The following CCNF variants were observed in gnomAD, a reference collection of about 807,000 sequenced individuals.
CCNF encodes the protein cyclin-F.
In CCNF, 30 loss-of-function variants were observed where a neutral mutation model predicts 85.4. That is an observed-to-expected ratio of 0.35 (90% CI 0.26 to 0.48). The LOEUF (loss-of-function observed/expected upper bound fraction) is 0.48. Ranked by LOEUF, CCNF falls within the 20% of genes least tolerant of loss-of-function variation. The pLI, the probability that CCNF is intolerant of heterozygous loss-of-function variation, is 0.99. For missense variants in CCNF, 919 were observed against 1,010.4 expected, an observed-to-expected ratio of 0.91 and a Z score of 1.23; for synonymous variants, 439 against 425.1, an observed-to-expected ratio of 1.03 and a Z score of -0.40.
At chr16:2,436,600 G>A (rs1053379915) in intron 4 of CCNF, 1 of 152,202 alleles carries the variant, frequency 6.6e-6, no homozygotes, top group Non-Finnish European at 1.5e-5. Context: ...AGAATCAGGG[G>A]AGCCGAGGTC....
At position 2,445,479 on chromosome 16, in the gene CCNF, G is replaced by A. The variant is rs180707939; in HGVS notation, c.951G>A (p.Leu317=). The A allele has an allele frequency of 8.7e-6, 14 of 1,613,960 alleles. No individual in the cohort carries two copies. In the African/African-American group the frequency reaches 1.1e-4, roughly 12 times the overall value. Residue 317 remains leucine (L), a synonymous_variant, in exon 10 of 17, where the codon CTG becomes CTA. Transcript: ENST00000397066. The part of the protein sequence containing the change: ...DTMRYILIDW[L]VEVATMKDFT... ...GCAGGTACATTCTGATCGACTGGCT[G>A]GTGGAAGTTGCCACCATGAAGGACT...
Position 2,435,833 on chromosome 16 carries a change from T to A in CCNF, c.306T>A (p.Ala102=), listed in dbSNP as rs775376235. 3 of 1,613,946 alleles carry A rather than the reference T, an allele frequency of 1.9e-6. No individual in the cohort carries two copies. The highest frequency in any genetic ancestry group is 2.5e-6 in the Non-Finnish European group (3 of 1,179,918). The change falls in exon 4 of 17, where the codon GCT becomes GCA. Residue 102 remains alanine (A), a synonymous_variant. Transcript: ENST00000397066. ...CTGCTGAAAAGGGGAATTTCGAAGC[T>A]GCTGTGAAGCTGGGCATAGCCTACC... The part of the protein sequence containing the change: ...ERAAEKGNFE[A]AVKLGIAYLY...
In CCNF at chr16:2,439,467, G is replaced by A; in HGVS notation, c.699+10G>A. 1.3e-6 allele frequency: 2 copies of A among 1,584,162 alleles called. No individual in the cohort carries two copies. The highest frequency in any genetic ancestry group is 1.7e-6 in the Non-Finnish European group (2 of 1,156,564). On this transcript the variant is annotated intron_variant, in intron 7 of 16. Transcript: ENST00000397066. ...CGACAGGAGGACAGATGTGAGTGGT[G>A]CCTGCTCTGGGTCGGGGGGAGTTAT...
At chr16:2,429,985 C>T (rs965518008) in intron 1 of CCNF, among the ~76,000 whole-genome samples, 2 of 152,228 alleles carry the variant, frequency 1.3e-5, no homozygotes, top group Non-Finnish European at 2.9e-5. Flanking sequence ...ACAGGAAACA[C>T]GAACTGTGGT....
chr16:2,441,257 G>A (rs1479763984), intron 8 of CCNF, among the ~76,000 whole-genome samples: 4 of 151,732 alleles, frequency 2.6e-5, no homozygotes, highest in Non-Finnish European at 5.9e-5. Flanking sequence ...TTAGCTGGAT[G>A]TGGTGGCGTG....
At chr16:2,432,611 A>G (rs563897079) in intron 2 of CCNF, among the ~76,000 whole-genome samples, 14 of 152,276 alleles carry the variant, frequency 9.2e-5, no homozygotes, top group African/African-American at 3.4e-4. Flanking sequence ...GCGGGGAAGC[A>G]CAAAACACAT....
At chr16:2,438,006 G>C in intron 5 of CCNF, 64 bp from the exon 6 acceptor site, 1 of 1,112,008 alleles carries the variant, frequency 9.0e-7, no homozygotes, top group Non-Finnish European at 1.4e-6. Context: ...GACAGACAAG[G>C]GAGTGGTGGC....
intron 11 of CCNF, 102 bp downstream of exon 11, chr16:2,449,080 C>CA (rs1567389059): frequency 6.5e-7 from 1 of 1,528,180 alleles, no homozygotes; most frequent in Non-Finnish European, 9.0e-7. Flanking sequence ...CTCATGGACT[C>CA]AGAGAGCAGC....
At chr16:2,439,607 A>G (rs1413460383) in intron 7 of CCNF, 142 bp from the exon 8 acceptor site, 1 of 913,998 alleles carries the variant, frequency 1.1e-6, no homozygotes, top group Non-Finnish European at 1.7e-6. Flanking sequence ...TCAGTCGGCT[A>G]TTCTTGGTAC....
At chr16:2,437,990 C>A in intron 5 of CCNF, 80 bp from the exon 6 acceptor site, 1 of 947,536 alleles carries the variant, frequency 1.1e-6, no homozygotes, top group Non-Finnish European at 1.7e-6. Flanking sequence ...GGGCATGGGA[C>A]CCAAAGACAG....
At chr16:2,431,319 C>T in intron 2 of CCNF, 35 bp downstream of exon 2, 1 of 1,603,624 alleles carries the variant, frequency 6.2e-7, no homozygotes, top group African/African-American at 1.3e-5. Flanking sequence ...TGAGCCCTAG[C>T]ATTGTTGATT....
In CCNF at chr16:2,457,428, C is replaced by G. The variant is rs907958289; in HGVS notation, c.*408C>G. On this transcript the variant is annotated 3_prime_UTR_variant, in exon 17 of 17. Transcript: ENST00000397066. ...CCTGGGTAGTCAGACACCACTTGAGCCCCTGCCCACATCTGCTGGTTTGGG... is the reference window on the plus strand; with the variant it reads ...CCTGGGTAGTCAGACACCACTTGAGGCCCTGCCCACATCTGCTGGTTTGGG... 2 of 162,554 alleles carry G rather than the reference C, an allele frequency of 1.2e-5. No individual in the cohort carries two copies. The highest frequency in any genetic ancestry group is 4.8e-5 in the African/African-American group (2 of 41,656). The allele number at this position is 162,554 out of a possible 1,614,324, so 10.1% of individuals were successfully genotyped here. A position where few individuals can be genotyped will look rare whatever the true frequency, so the allele number is the denominator to read the frequency against.
intron 8 of CCNF, among the ~76,000 whole-genome samples, chr16:2,440,654 A>G (rs2065316276): frequency 1.3e-5 from 2 of 152,144 alleles, no homozygotes; most frequent in South Asian, 4.1e-4. Context: ...AAATGGATAG[A>G]AGCTTGTTCT....
At chr16:2,432,079 C>T (rs1464096002) in intron 2 of CCNF, among the ~76,000 whole-genome samples, 1 of 152,150 alleles carries the variant, frequency 6.6e-6, no homozygotes, top group East Asian at 1.9e-4. Context: ...ATCCGCCCGC[C>T]TCGGCCTCCC....
intron 9 of CCNF, among the ~76,000 whole-genome samples, chr16:2,444,393 G>C (rs538484045): frequency 7.0e-6 from 1 of 143,466 alleles, no homozygotes; most frequent in Non-Finnish European, 1.5e-5. Flanking sequence ...TCCACCTCCC[G>C]GGTTCACACC....
chr16:2,448,458 A>G (rs1183274083), intron 10 of CCNF, among the ~76,000 whole-genome samples: 2 of 152,140 alleles, frequency 1.3e-5, no homozygotes, highest in Non-Finnish European at 2.9e-5. Flanking sequence ...CCAGGTTGGA[A>G]TGCAGTGGTG....
intron 3 of CCNF, among the ~76,000 whole-genome samples, chr16:2,434,407 G>C (rs2065277375): frequency 1.3e-5 from 2 of 152,214 alleles, no homozygotes; most frequent in South Asian, 2.1e-4. Flanking sequence ...GAGGTCAAGA[G>C]TTTGAGACCA....
chr16:2,446,373 C>G (rs2065362494), intron 10 of CCNF, among the ~76,000 whole-genome samples: 1 of 152,188 alleles, frequency 6.6e-6, no homozygotes, highest in Non-Finnish European at 1.5e-5. Flanking sequence ...AGTTTTTCGT[C>G]CCCCACTGGT....
intron 9 of CCNF, 30 bp from the exon 10 acceptor site, chr16:2,445,428 A>C (rs1245649776): frequency 6.2e-7 from 1 of 1,612,638 alleles, no homozygotes; most frequent in Admixed American, 1.7e-5. Flanking sequence ...GAACGCCCCC[A>C]CCAGTTCCCA....
Sources: gnomAD v4.1 joint callset for allele counts (sites outside exome capture counted in the v4.1 genomes callset) on GRCh38, gnomAD v4.1.1 for gene constraint, MANE v1.5 for transcripts, NCBI Gene and HGNC (gene_info 2026-07-23, HGNC 2026-07-21) for gene names.